Variants in DAPP1 observed in about 807,000 individuals in gnomAD.
DAPP1 encodes the protein dual adapter for phosphotyrosine and 3-phosphotyrosine and 3-phosphoinositide.
Under a neutral mutation model 41.5 loss-of-function variants are expected in DAPP1, and 20 were observed. The ratio of observed to expected loss-of-function variants is 0.48; its 90% CI spans 0.34 to 0.70. DAPP1 has a LOEUF of 0.70. Among genes scored for constraint, DAPP1 ranks in the 30% least tolerant of loss-of-function variants. DAPP1 has a pLI of 0.01. For missense variants in DAPP1, 233 were observed against 333.4 expected, an observed-to-expected ratio of 0.70 and a Z score of 2.35; for synonymous variants, 113 against 116.2, an observed-to-expected ratio of 0.97 and a Z score of 0.18.
At chr4:99,863,972 G>T in intron 7 of DAPP1, 117 bp downstream of exon 7, 1 of 672,116 alleles carries the variant, frequency 1.5e-6, no homozygotes. Flanking sequence ...TGAGGGGCAT[G>T]CCTGCATGTA....
At chr4:99,817,636 C>A (rs1578336272) in intron 1 of DAPP1, among the ~76,000 whole-genome samples, 1 of 152,068 alleles carries the variant, frequency 6.6e-6, no homozygotes, top group Non-Finnish European at 1.5e-5. Flanking sequence ...AACAGGTAAG[C>A]ATAGGTAGGT....
chr4:99,859,817 C>A (rs1167627724), intron 4 of DAPP1, among the ~76,000 whole-genome samples: 2 of 152,202 alleles, frequency 1.3e-5, no homozygotes, highest in Admixed American at 1.3e-4. Flanking sequence ...CAGGCAGAAG[C>A]CCTCCACACC....
In DAPP1 at chr4:99,869,794, G is replaced by A. The variant is rs1331834033; in HGVS notation, c.*1609G>A. The A allele has an allele frequency of 6.6e-6, 1 of 152,278 alleles. No individual in the cohort carries two copies. The highest frequency in any genetic ancestry group is 1.9e-4 in the East Asian group (1 of 5,176). The allele number at this position is 152,278 out of a possible 1,614,324, so 9.4% of individuals were successfully genotyped here. On this transcript the variant is annotated 3_prime_UTR_variant, in exon 9 of 9. Coordinates refer to ENST00000512369, the MANE Select transcript of DAPP1 (RefSeq NM_014395.3). ...AAAATACAAAAATTAGCTGGGCATG[G>A]TGGCAGGCGCCTGTAATCCCAGCTA... is the stretch of plus-strand genomic sequence containing the variant.
chr4:99,834,404 T>A (rs1338402669), intron 1 of DAPP1, among the ~76,000 whole-genome samples: 4 of 152,092 alleles, frequency 2.6e-5, no homozygotes, highest in African/African-American at 9.7e-5. Context: ...TTTTTTTTTT[T>A]ACCATAGATA....
At chr4:99,846,351 C>T (rs145297378) in intron 3 of DAPP1, among the ~76,000 whole-genome samples, 24 of 152,178 alleles carry the variant, frequency 1.6e-4, no homozygotes, top group African/African-American at 5.1e-4. Context: ...TGCCATTTGC[C>T]GGCTCTGTGT....
chr4:99,848,086 C>T (rs1370507183), intron 3 of DAPP1, among the ~76,000 whole-genome samples: 1 of 152,024 alleles, frequency 6.6e-6, no homozygotes, highest in Non-Finnish European at 1.5e-5. Flanking sequence ...GCTGGGATTA[C>T]AGGCATGAGC....
rs1028089068 is a variant in DAPP1, at chr4:99,868,808, A to C, written c.*623A>C. The C allele has an allele frequency of 6.6e-6, 1 of 152,148 alleles. No homozygotes were observed. Among genetic ancestry groups the C allele is most frequent in the East Asian group, 1.9e-4 (1 of 5,198 alleles). The allele number at this position is 152,148 out of a possible 1,614,324, so 9.4% of individuals were successfully genotyped here. A position where few individuals can be genotyped will look rare whatever the true frequency, so the allele number is the denominator to read the frequency against. ...GGCAGGTCCTTTGCTTCTAATGACA[A>C]AACTGTGAGAGCTAGATGTCCTATG... On this transcript the variant is annotated 3_prime_UTR_variant, in exon 9 of 9. Transcript: ENST00000512369.
chr4:99,866,126 G>T lies in DAPP1; in HGVS notation c.774+5G>T. 1 of 1,545,776 alleles carries T rather than the reference G, an allele frequency of 6.5e-7. No individual in the cohort carries two copies. Among genetic ancestry groups the T allele is most frequent in the Non-Finnish European group, 8.9e-7 (1 of 1,121,582 alleles). On this transcript the variant is annotated splice_donor_5th_base_variant and intron_variant, in intron 8 of 8. Coordinates refer to ENST00000512369, the MANE Select transcript of DAPP1 (RefSeq NM_014395.3). ...AAGATATTACGCTGGAAATTGGTGA[G>T]AATTTTTAAGCCTTCAGATGTCAAG...
At chr4:99,860,605 T>C (rs1219421011) in intron 4 of DAPP1, among the ~76,000 whole-genome samples, 3 of 152,232 alleles carry the variant, frequency 2.0e-5, no homozygotes, top group African/African-American at 7.2e-5. Context: ...CTGCTTTAAC[T>C]CTTTTTATTG....
At chr4:99,837,921 G>A (rs1723356030) in intron 2 of DAPP1, among the ~76,000 whole-genome samples, 1 of 151,980 alleles carries the variant, frequency 6.6e-6, no homozygotes, top group Admixed American at 6.6e-5. Context: ...GAGGCACACA[G>A]CCTAGATCCC....
chr4:99,830,097 T>C (rs1044184678), intron 1 of DAPP1, among the ~76,000 whole-genome samples: 23 of 152,212 alleles, frequency 1.5e-4, no homozygotes, highest in Non-Finnish European at 3.1e-4. Flanking sequence ...TTGAATATAG[T>C]TCTGGCCCGG....
intron 1 of DAPP1, among the ~76,000 whole-genome samples, chr4:99,832,401 G>A (rs1383288630): frequency 1.3e-5 from 2 of 152,226 alleles, no homozygotes; most frequent in Non-Finnish European, 2.9e-5. Context: ...TTCCAGGAAA[G>A]GAATGCTTAA....
downstream of DAPP1, among the ~76,000 whole-genome samples, chr4:99,871,112 C>T (rs1724618288): frequency 6.6e-6 from 1 of 152,120 alleles, no homozygotes. Flanking sequence ...GAGTGGGTTC[C>T]TCTCTCCTTA....
Position 99,868,330 on chromosome 4 carries a change from A to G in DAPP1, c.*145A>G. On this transcript the variant is annotated 3_prime_UTR_variant, in exon 9 of 9. Coordinates refer to ENST00000512369, the MANE Select transcript of DAPP1 (RefSeq NM_014395.3). Reference sequence around the variant, plus strand: ...GAAGCAGATGCTGATTGGGACCCATATACCACGTTGCTGACTCACGTTGCT... The same window carrying G: ...GAAGCAGATGCTGATTGGGACCCATGTACCACGTTGCTGACTCACGTTGCT... The G allele has an allele frequency of 1.4e-6, 1 of 707,108 alleles. No individual in the cohort carries two copies. Among genetic ancestry groups the G allele is most frequent in the Non-Finnish European group, 2.4e-6 (1 of 415,006 alleles). The allele number at this position is 707,108 out of a possible 1,614,324, so 43.8% of individuals were successfully genotyped here.
intron 3 of DAPP1, among the ~76,000 whole-genome samples, chr4:99,848,322 G>A (rs1173489998): frequency 6.6e-6 from 1 of 151,636 alleles, no homozygotes; most frequent in African/African-American, 2.4e-5. Flanking sequence ...CCGCCTCCCG[G>A]GTTAAAGGGA....
intron 4 of DAPP1, 23 bp downstream of exon 4, chr4:99,853,371 A>G: frequency 1.3e-6 from 2 of 1,594,454 alleles, no homozygotes; most frequent in Non-Finnish European, 1.7e-6. Context: ...CAACGTGACC[A>G]CAAGCTCTCT....
chr4:99,835,826 C>T (rs1278923008), intron 2 of DAPP1, 81 bp downstream of exon 2: 1 of 1,545,114 alleles, frequency 6.5e-7, no homozygotes, highest in African/African-American at 1.4e-5. Flanking sequence ...AATTGCCAGA[C>T]AGCAAAACTT....
intron 4 of DAPP1, among the ~76,000 whole-genome samples, chr4:99,857,701 TACACAC>T (rs140943788): frequency 0.014 from 1,966 of 143,098 alleles, 45 homozygotes; most frequent in African/African-American, 0.046. Flanking sequence ...TGTATGTATA[TACACAC>T]ACACACACAC....
At chr4:99,858,888 CA>C (rs901334001) in intron 4 of DAPP1, among the ~76,000 whole-genome samples, 8 of 150,410 alleles carry the variant, frequency 5.3e-5, no homozygotes, top group Non-Finnish European at 7.4e-5. Context: ...CATATGACCT[CA>C]AAAAAAATTT....
Sources: allele counts gnomAD v4.1 joint callset (sites outside exome capture counted in the v4.1 genomes callset), GRCh38; gene constraint gnomAD v4.1.1; transcripts MANE v1.5; gene names NCBI Gene and HGNC (gene_info 2026-07-23, HGNC 2026-07-21).